The following ZNF83 variants were observed in gnomAD, a reference collection of about 807,000 sequenced individuals.
ZNF83 encodes zinc finger protein 83.
For missense variants in ZNF83, 552 were observed against 629.9 expected (o/e 0.88, Z 1.32); for synonymous variants, 209 against 213.0 (o/e 0.98, Z 0.17).
At chr19:52,651,280 GATATA>G (rs2061437760) in intron 3 of ZNF83, 1 of 152,180 alleles carries the variant, frequency 6.6e-6, no homozygotes, top group South Asian at 2.1e-4. Context: ...AGATAGTCAG[GATATA>G]TTCACTTTTG....
At chr19:52,639,846 ATAAG>A (rs2061273714), upstream of ZNF83, among the ~76,000 whole-genome samples, 1 of 152,244 alleles carries the variant, frequency 6.6e-6, no homozygotes, top group African/African-American at 2.4e-5. Context: ...CACATTATTA[ATAAG>A]TAAGCCTTAA....
At chr19:52,648,695 C>T (rs1371393206) in intron 3 of ZNF83, among the ~76,000 whole-genome samples, 1 of 152,154 alleles carries the variant, frequency 6.6e-6, no homozygotes, top group Non-Finnish European at 1.5e-5. Context: ...CTTAGATCCA[C>T]CACAGTCAGC....
intron 2 of ZNF83, among the ~76,000 whole-genome samples, chr19:52,620,288 GTGTGTATA>G (rs2060495736): frequency 6.9e-6 from 1 of 145,866 alleles, no homozygotes; most frequent in African/African-American, 2.5e-5. Flanking sequence ...GTGTGTGTGT[GTGTGTATA>G]TATAGTTTCC....
At chr19:52,665,378 C>G (rs1355751002) in intron 1 of ZNF83, among the ~76,000 whole-genome samples, 1 of 151,904 alleles carries the variant, frequency 6.6e-6, no homozygotes, top group African/African-American at 2.4e-5. Flanking sequence ...GTAAGACCCT[C>G]TACCCCAGAG....
intron 2 of ZNF83, among the ~76,000 whole-genome samples, chr19:52,633,667 C>T (rs986007269): frequency 5.9e-5 from 9 of 152,098 alleles, no homozygotes; most frequent in Non-Finnish European, 1.2e-4. Context: ...TCCAGCACTT[C>T]GGGAGGCCCA....
exon 3 of ZNF83, chr19:52,614,593 T>A: frequency 1.3e-6 from 2 of 1,550,510 alleles, no homozygotes; most frequent in Non-Finnish European, 1.7e-6. Flanking sequence ...ACTTTCCTTA[T>A]AGGTCACACG....
At chr19:52,673,254 C>A (rs2061750708) in intron 1 of ZNF83, among the ~76,000 whole-genome samples, 1 of 152,072 alleles carries the variant, frequency 6.6e-6, no homozygotes, top group Admixed American at 6.6e-5. Flanking sequence ...TGCTTGAATC[C>A]CAGCACTTTG....
intron 1 of ZNF83, among the ~76,000 whole-genome samples, chr19:52,669,791 A>G (rs2061699097): frequency 6.6e-6 from 1 of 152,158 alleles, no homozygotes; most frequent in East Asian, 1.9e-4. Flanking sequence ...CTGTCACACC[A>G]TGCATCCGTG....
chr19:52,679,046 T>G (rs1260660725), intron 1 of ZNF83, among the ~76,000 whole-genome samples: 1 of 151,958 alleles, frequency 6.6e-6, no homozygotes, highest in South Asian at 2.1e-4. Context: ...TTAATAAGAT[T>G]GATGAAAACC....
intron 2 of ZNF83, among the ~76,000 whole-genome samples, chr19:52,623,254 A>G (rs139241385): frequency 2.6e-3 from 391 of 152,234 alleles, no homozygotes; most frequent in East Asian, 5.8e-3. Context: ...AGCCCTCTGG[A>G]CCATCAGGGA....
chr19:52,686,503 G>GA (rs5828522), intron 1 of ZNF83, among the ~76,000 whole-genome samples: 10 of 143,908 alleles, frequency 6.9e-5, no homozygotes, highest in South Asian at 2.2e-4. Flanking sequence ...AAACCAGAAA[G>GA]AAAAAAAAAA....
intron 1 of ZNF83, among the ~76,000 whole-genome samples, chr19:52,678,009 TG>T (rs1367599251): frequency 6.7e-6 from 1 of 149,752 alleles, no homozygotes; most frequent in Non-Finnish European, 1.5e-5. Context: ...CACTACAACC[TG>T]GGTGACAGAG....
At chr19:52,629,474 G>A (rs1374630493) in intron 2 of ZNF83, among the ~76,000 whole-genome samples, 3 of 151,946 alleles carry the variant, frequency 2.0e-5, no homozygotes, top group Non-Finnish European at 4.4e-5. Flanking sequence ...GGCCGAGCTA[G>A]GTCCCAATTC....
intron 3 of ZNF83, chr19:52,651,195 C>G (rs1037142664): frequency 1.3e-5 from 2 of 152,204 alleles, no homozygotes; most frequent in African/African-American, 4.8e-5. Context: ...CTATTCTCAG[C>G]AAAATTCCAT....
chr19:52,684,960 C>G (rs79438896), intron 1 of ZNF83, among the ~76,000 whole-genome samples: 8 of 152,290 alleles, frequency 5.3e-5, no homozygotes, highest in East Asian at 1.9e-4. Context: ...CCCTGCCAGG[C>G]ACTGACATGA....
At chr19:52,655,229 C>T (rs2061490443) in intron 3 of ZNF83, 2 of 261,584 alleles carry the variant, frequency 7.6e-6, no homozygotes, top group East Asian at 8.7e-5. Flanking sequence ...GCTGGAAACA[C>T]TTGTCAGTCA....
At chr19:52,654,862 A>C (rs1368514814) in intron 3 of ZNF83, 1 of 153,420 alleles carries the variant, frequency 6.5e-6, no homozygotes, top group Admixed American at 6.5e-5. Flanking sequence ...AGTACCAGTG[A>C]GAGATGCTTC....
chr19:52,685,989 A>C (rs1057079838), intron 1 of ZNF83, among the ~76,000 whole-genome samples: 2 of 152,150 alleles, frequency 1.3e-5, no homozygotes, highest in African/African-American at 4.8e-5. Context: ...CATTTGTCCA[A>C]ACGCACCAGA....
chr19:52,653,490 C>A (rs1007725979), intron 3 of ZNF83, among the ~76,000 whole-genome samples: 11 of 152,160 alleles, frequency 7.2e-5, no homozygotes, highest in Non-Finnish European at 1.5e-4. Context: ...TGTATGGTTT[C>A]TCTCCAGTAT....
Sources: allele counts gnomAD v4.1 joint callset (sites outside exome capture counted in the v4.1 genomes callset), GRCh38; gene constraint gnomAD v4.1.1; transcripts MANE v1.5; gene names NCBI Gene and HGNC (gene_info 2026-07-23, HGNC 2026-07-21).